Variants in RAF1 observed in about 807,000 individuals in gnomAD.
RAF1 encodes Raf-1 proto-oncogene, serine/threonine kinase.
In RAF1, 27 loss-of-function variants were observed where a neutral mutation model predicts 81.1. That is an observed-to-expected ratio of 0.33 (90% CI 0.25 to 0.46). The LOEUF is 0.46. Among genes scored for constraint, RAF1 ranks in the 20% least tolerant of loss-of-function variants. The pLI is 1.00. For synonymous variants in RAF1, 298 were observed against 294.0 expected (o/e 1.01, Z -0.14); for missense variants, 598 against 826.0 (o/e 0.72, Z 3.38).
chr3:12,606,123 C>T (rs1286786128), intron 6 of RAF1, 78 bp downstream of exon 6: 2 of 1,089,652 alleles, frequency 1.8e-6, no homozygotes, highest in African/African-American at 3.1e-5. Context: ...CGAAGAAACT[C>T]TTATTTTTTG....
chr3:12,609,221 T>C lies in RAF1; in HGVS notation c.423+12A>G. 3.2e-6 allele frequency: 5 copies of C among 1,583,706 alleles called. No individual in the cohort carries two copies. Among genetic ancestry groups the C allele is most frequent in the Non-Finnish European group, 4.3e-6 (5 of 1,152,398 alleles). On this transcript the variant is annotated intron_variant, in intron 4 of 17. Coordinates refer to ENST00000442415, the MANE Select transcript of RAF1 (RefSeq NM_001354689.3). ...CTCAACATGCCAGAAAGAGAAGAGA[T>C]CTGCAACTTACAAAGTTGTGTGTTG... is the stretch of plus-strand genomic sequence containing the variant.
intron 1 of RAF1, among the ~76,000 whole-genome samples, chr3:12,642,308 CCCAAAAAA>C (rs969302583): frequency 4.7e-5 from 7 of 148,538 alleles, no homozygotes; most frequent in African/African-American, 1.7e-4. Context: ...AAAAAAAAAC[CCCAAAAAA>C]CAAAAAAACA....
Position 12,640,048 on chromosome 3 carries a change from C to T in RAF1, c.-26-21301G>A, listed in dbSNP as rs143570489. Reference sequence around the variant, plus strand: ...AGAGACCAATGGAACAGAACAGAGCCGCCAGAAATAATACCACACATCTAC... The same window carrying T: ...AGAGACCAATGGAACAGAACAGAGCTGCCAGAAATAATACCACACATCTAC... On this transcript the variant is annotated intron_variant, in intron 1 of 17. Transcript: ENST00000442415. 1.1e-4 allele frequency among the ~76,000 whole-genome samples: 16 copies of T among 152,158 alleles called. No homozygotes were observed. The East Asian group carries it at 1.9e-3, about 18-fold the overall frequency.
At chr3:12,655,333 G>A (rs988262237) in intron 1 of RAF1, among the ~76,000 whole-genome samples, 2 of 152,150 alleles carry the variant, frequency 1.3e-5, no homozygotes, top group African/African-American at 4.8e-5. Flanking sequence ...TGATCCGCCC[G>A]CCTCGGCCTC....
intron 1 of RAF1, among the ~76,000 whole-genome samples, chr3:12,662,466 A>G (rs982067103): frequency 6.6e-6 from 1 of 152,116 alleles, no homozygotes; most frequent in African/African-American, 2.4e-5. Context: ...CAACATCAAC[A>G]AAGGGAGAAA....
At chr3:12,644,516 T>C (rs1027982777) in intron 1 of RAF1, among the ~76,000 whole-genome samples, 4 of 152,280 alleles carry the variant, frequency 2.6e-5, no homozygotes, top group African/African-American at 9.6e-5. Context: ...TCCTAAAACT[T>C]CTGTCCAAAA....
chr3:12,595,020 A>G (rs1379205224), intron 11 of RAF1, among the ~76,000 whole-genome samples: 3 of 152,218 alleles, frequency 2.0e-5, no homozygotes, highest in Non-Finnish European at 4.4e-5. Context: ...AGGATCAATG[A>G]GCAAACATTA....
rs1181494063 is a variant in RAF1, at chr3:12,603,552, T to C, written c.835-15A>G. ...AGGTTGTTATTCTAGTCCAAAGCAA[T>C]GAGAAATAAAGAAGAATAAAGAACA... On this transcript the variant is annotated splice_polypyrimidine_tract_variant and intron_variant, in intron 7 of 17. Coordinates refer to ENST00000442415, the MANE Select transcript of RAF1 (RefSeq NM_001354689.3). 1 of 696,954 alleles carries C rather than the reference T, an allele frequency of 1.4e-6. No homozygotes were observed. The highest frequency in any genetic ancestry group is 2.6e-6 in the Non-Finnish European group (1 of 382,060). The allele number at this position is 696,954 out of a possible 1,614,324, so 43.2% of individuals were successfully genotyped here.
rs71063852 is a variant in RAF1, at chr3:12,635,318, C to CA, written c.-26-16572dup. On this transcript the variant is annotated intron_variant, in intron 1 of 17. Coordinates refer to ENST00000442415, the MANE Select transcript of RAF1 (RefSeq NM_001354689.3). ...TGGGTGACAGAGGGAGACCCTGTCTCAAAAAAAAAAAAAAAAAAAAAAAAA... is the reference window on the plus strand; with the variant it reads ...TGGGTGACAGAGGGAGACCCTGTCTCAAAAAAAAAAAAAAAAAAAAAAAAAA... Among the ~76,000 whole-genome samples, 61 of 27,638 alleles carry CA rather than the reference C, an allele frequency of 2.2e-3. 13 individuals carry two copies. Among genetic ancestry groups the CA allele is most frequent in the Non-Finnish European group, 3.5e-3 (57 of 16,334 alleles). 18.1% of individuals were successfully genotyped at this position (27,638 alleles called of 152,430 possible).
chr3:12,620,005 C>T (rs1197450387), intron 1 of RAF1, among the ~76,000 whole-genome samples: 2 of 152,042 alleles, frequency 1.3e-5, no homozygotes, highest in Non-Finnish European at 2.9e-5. Context: ...TGGCGTGAAC[C>T]CGGGAGGCAG....
At chr3:12,594,756 T>G (rs1532534) in intron 11 of RAF1, among the ~76,000 whole-genome samples, 20,427 of 152,180 alleles carry the variant, frequency 0.13, 1,697 homozygotes, top group Middle Eastern at 0.2. Context: ...TTCTAAATCC[T>G]CACTACTATG....
intron 11 of RAF1, among the ~76,000 whole-genome samples, chr3:12,597,496 C>A (rs184214641): frequency 6.6e-6 from 1 of 152,320 alleles, no homozygotes; most frequent in African/African-American, 2.4e-5. Flanking sequence ...GCAATAAATG[C>A]AATATCCATT....
At position 12,604,219 on chromosome 3, in the gene RAF1, G is replaced by C; in HGVS notation, c.751C>G (p.Leu251Val). 6.2e-7 allele frequency: 1 copy of C among 1,614,178 alleles called. No individual in the cohort carries two copies. Among genetic ancestry groups the C allele is most frequent in the Non-Finnish European group, 8.5e-7 (1 of 1,180,026 alleles). The change falls in exon 7 of 18, where the codon CTC (leucine) becomes GTC (valine). Residue 251 changes from leucine (L) to valine (V), a missense_variant. By Grantham distance (32) the Leu-to-Val change is conservative. This residue lies in a region of RAF1 where 194 missense variants were observed against 202.7 expected (regional missense o/e 0.96). Coordinates refer to ENST00000442415, the MANE Select transcript of RAF1 (RefSeq NM_001354689.3). ...GATGTCGACCTCTGCCTCTGGGAGA[G>C]GGAACCTTCAGATGAGGGACTGGAG...
chr3:12,611,238 T>C (rs1481050163), intron 3 of RAF1, among the ~76,000 whole-genome samples: 1 of 152,072 alleles, frequency 6.6e-6, no homozygotes, highest in Admixed American at 6.5e-5. Context: ...CTTTTTTTAA[T>C]AGACAGGATC....
At chr3:12,609,087 T>A in intron 4 of RAF1, 146 bp downstream of exon 4, 1 of 1,013,278 alleles carries the variant, frequency 9.9e-7, no homozygotes, top group Non-Finnish European at 1.5e-6. Context: ...TAATGAAATC[T>A]AAATTGCCTT....
chr3:12,663,926 G>C lies in RAF1; in HGVS notation c.-140C>G, dbSNP rs1183473924. ...GGCGGTCACATTCGGCGCGTCCCCAGCCCAGGGGACGGAGCCCCGAGCAGC... is the reference window on the plus strand; with the variant it reads ...GGCGGTCACATTCGGCGCGTCCCCACCCCAGGGGACGGAGCCCCGAGCAGC... On this transcript the variant is annotated 5_prime_UTR_variant, in exon 1 of 18. Transcript: ENST00000442415. 2 of 398,190 alleles carry C rather than the reference G, an allele frequency of 5.0e-6. No individual in the cohort carries two copies. The highest frequency in any genetic ancestry group is 8.9e-6 in the Non-Finnish European group (2 of 225,832). The allele number at this position is 398,190 out of a possible 1,614,324, so 24.7% of individuals were successfully genotyped here.
At chr3:12,635,841 C>T (rs796857473) in intron 1 of RAF1, among the ~76,000 whole-genome samples, 1 of 149,314 alleles carries the variant, frequency 6.7e-6, no homozygotes, top group Non-Finnish European at 1.5e-5. Flanking sequence ...GGCGTGGTGG[C>T]AGGCACCTGT....
chr3:12,598,236 C>T (rs1268907066), intron 11 of RAF1, among the ~76,000 whole-genome samples: 1 of 151,998 alleles, frequency 6.6e-6, no homozygotes. Context: ...TTCTTGAACT[C>T]CTAGGCTCAA....
chr3:12,649,334 A>G (rs1229986580), intron 1 of RAF1, among the ~76,000 whole-genome samples: 3 of 152,208 alleles, frequency 2.0e-5, no homozygotes, highest in Middle Eastern at 3.2e-3. Flanking sequence ...ATGGTGGTTC[A>G]TGCCTGTAAT....
Sources: allele counts gnomAD v4.1 joint callset (sites outside exome capture counted in the v4.1 genomes callset), GRCh38; gene constraint gnomAD v4.1.1; regional missense constraint gnomAD v4.1.1; transcripts MANE v1.5; gene names NCBI Gene and HGNC (gene_info 2026-07-23, HGNC 2026-07-21).